Variants in ITPKB observed in about 807,000 individuals in gnomAD.
The protein encoded by ITPKB is inositol-trisphosphate 3-kinase B.
Under a neutral mutation model 69.4 loss-of-function variants are expected in ITPKB, and 13 were observed. That is an observed-to-expected ratio of 0.19 (90% CI 0.12 to 0.30). The LOEUF (loss-of-function observed/expected upper bound fraction) is 0.30. Ranked by LOEUF, ITPKB falls within the 10% of genes least tolerant of loss-of-function variation. ITPKB has a pLI of 1.00. For missense variants in ITPKB, 1,240 were observed against 1,250.5 expected (o/e 0.99, Z 0.13); for synonymous variants, 584 against 513.7 (o/e 1.14, Z -1.85).
intron 2 of ITPKB, among the ~76,000 whole-genome samples, chr1:226,728,267 T>TTC (rs1657482418): frequency 1.3e-5 from 2 of 152,328 alleles, no homozygotes; most frequent in Non-Finnish European, 2.9e-5. Context: ...ACTAGTGGCC[T>TTC]GAAGAGATAC....
At chr1:226,638,034 TG>T (rs1335446687) in intron 6 of ITPKB, among the ~76,000 whole-genome samples, 1 of 152,222 alleles carries the variant, frequency 6.6e-6, no homozygotes, top group Non-Finnish European at 1.5e-5. Flanking sequence ...TTGCTGGCCT[TG>T]GGGGGTGCCC....
In ITPKB at chr1:226,647,263, C is replaced by T. The variant is rs1449307011; in HGVS notation, c.2150G>A (p.Gly717Glu). 6.2e-7 allele frequency: 1 copy of T among 1,614,240 alleles called. No individual in the cohort carries two copies. The highest frequency in any genetic ancestry group is 8.5e-7 in the Non-Finnish European group (1 of 1,180,042). ...GCGCTCCCCGTCCTTCACCACATCCCCATGGTAGGCAGGTACGAAGGGCCT... is the reference window on the plus strand; with the variant it reads ...GCGCTCCCCGTCCTTCACCACATCCTCATGGTAGGCAGGTACGAAGGGCCT... ...VLRPFVPAYH[G>E]DVVKDGERYN... Residue 717 changes from glycine (G) to glutamate (E), a missense_variant, in exon 4 of 8, where the codon GGG (glycine) becomes GAG (glutamate). Around this residue, in one of 2 missense-constraint regions of ITPKB, gnomAD observed 248 missense variants for 396.7 expected, o/e 0.63. Transcript: ENST00000429204.
At chr1:226,683,776 C>T (rs1322306067) in intron 2 of ITPKB, among the ~76,000 whole-genome samples, 1 of 152,142 alleles carries the variant, frequency 6.6e-6, no homozygotes, top group African/African-American at 2.4e-5. Flanking sequence ...GCAAAGCCAG[C>T]TACCCAAGGA....
chr1:226,712,853 G>GA (rs1351381689), intron 2 of ITPKB, among the ~76,000 whole-genome samples: 10 of 152,082 alleles, frequency 6.6e-5, no homozygotes, highest in African/African-American at 2.4e-4. Context: ...GGGGAGGGAG[G>GA]AAACACACAA....
intron 2 of ITPKB, among the ~76,000 whole-genome samples, chr1:226,722,194 T>C (rs1009683272): frequency 2.0e-5 from 3 of 152,204 alleles, no homozygotes; most frequent in Non-Finnish European, 2.9e-5. Flanking sequence ...GGCTCAAGGT[T>C]CCTAGCAACC....
intron 4 of ITPKB, 68 bp downstream of exon 4, chr1:226,647,099 C>A: frequency 6.8e-7 from 1 of 1,468,026 alleles, no homozygotes; most frequent in African/African-American, 1.4e-5. Flanking sequence ...GCCCTGAGTG[C>A]CACGCTGTGC....
chr1:226,639,546 G>A lies in ITPKB; in HGVS notation c.2553+11C>T. The A allele has an allele frequency of 2.6e-6, 4 of 1,555,532 alleles. No individual in the cohort carries two copies. In the South Asian group the frequency reaches 4.5e-5, roughly 17 times the overall value. On this transcript the variant is annotated intron_variant, in intron 6 of 7. Coordinates refer to ENST00000429204, the MANE Select transcript of ITPKB (RefSeq NM_002221.4). ...GGCTGGAGAGACCCTCTCTGGAGGT[G>A]CCAGACTCACCAGGATGTTATGGTT...
intron 2 of ITPKB, among the ~76,000 whole-genome samples, chr1:226,730,996 T>A (rs1386234986): frequency 1.3e-5 from 2 of 152,272 alleles, no homozygotes; most frequent in African/African-American, 4.8e-5. Flanking sequence ...TTGAGCTGTA[T>A]GTTTTGCAAA....
chr1:226,660,369 A>G (rs969583805), intron 2 of ITPKB, among the ~76,000 whole-genome samples: 6 of 152,194 alleles, frequency 3.9e-5, no homozygotes, highest in Non-Finnish European at 8.8e-5. Context: ...AGGAGCTGGC[A>G]TCAAAGGGGC....
At chr1:226,704,102 A>G (rs1656745104) in intron 2 of ITPKB, among the ~76,000 whole-genome samples, 1 of 152,188 alleles carries the variant, frequency 6.6e-6, no homozygotes, top group Non-Finnish European at 1.5e-5. Context: ...TCGGACTCTA[A>G]ATACTATTTG....
At chr1:226,694,518 T>C (rs776580593) in intron 2 of ITPKB, among the ~76,000 whole-genome samples, 11 of 152,210 alleles carry the variant, frequency 7.2e-5, no homozygotes, top group African/African-American at 1.4e-4. Context: ...ACAGAGCACT[T>C]TGCAGTTTTA....
chr1:226,650,358 A>C (rs948404958), intron 2 of ITPKB, among the ~76,000 whole-genome samples: 1 of 152,200 alleles, frequency 6.6e-6, no homozygotes, highest in Non-Finnish European at 1.5e-5. Flanking sequence ...TTCTATTCTT[A>C]AGAGAGGGCA....
At position 226,737,470 on chromosome 1, in the gene ITPKB, C is replaced by T; in HGVS notation, c.-12G>A. ...CAGTACACAGCCATAGTACTGGGTC[C>T]CGCGCTGCCCGCCGCCGCGGCTCCC... On this transcript the variant is annotated 5_prime_UTR_variant, in exon 2 of 8. Transcript: ENST00000429204. 6.5e-7 allele frequency: 1 copy of T among 1,546,756 alleles called. No homozygotes were observed. Among genetic ancestry groups the T allele is most frequent in the Non-Finnish European group, 8.7e-7 (1 of 1,151,612 alleles).
chr1:226,695,906 G>C (rs1467565637), intron 2 of ITPKB, among the ~76,000 whole-genome samples: 1 of 152,188 alleles, frequency 6.6e-6, no homozygotes, highest in Non-Finnish European at 1.5e-5. Flanking sequence ...GAAGCGGGGA[G>C]GAGGGGGAGG....
intron 2 of ITPKB, among the ~76,000 whole-genome samples, chr1:226,703,819 A>G (rs1313748866): frequency 2.0e-5 from 3 of 152,220 alleles, no homozygotes; most frequent in Non-Finnish European, 4.4e-5. Context: ...GATGTGTTTC[A>G]GTCTGGGTTT....
chr1:226,707,695 A>G (rs1656837176), intron 2 of ITPKB: 2 of 1,029,250 alleles, frequency 1.9e-6, no homozygotes, highest in Admixed American at 5.7e-5. Flanking sequence ...AAACTAAAGA[A>G]TTACAAATTA....
At chr1:226,711,671 T>C (rs1277029942) in intron 2 of ITPKB, among the ~76,000 whole-genome samples, 2 of 152,114 alleles carry the variant, frequency 1.3e-5, no homozygotes, top group East Asian at 3.8e-4. Context: ...CTCCCATCAT[T>C]TGTCCTGGCG....
intron 3 of ITPKB, among the ~76,000 whole-genome samples, chr1:226,647,900 A>C (rs1041631290): frequency 6.6e-6 from 1 of 152,224 alleles, no homozygotes; most frequent in African/African-American, 2.4e-5. Context: ...CAGGCTGTCC[A>C]TCCATGTGCC....
Position 226,666,288 on chromosome 1 carries a change from C to T in ITPKB, c.1933-17517G>A, listed in dbSNP as rs574732277. Among the ~76,000 whole-genome samples the T allele has an allele frequency of 3.9e-5, 6 of 152,298 alleles. No individual in the cohort carries two copies. In the South Asian group the frequency reaches 1.2e-3, roughly 32 times the overall value. ...GCCACCCAATCAGGGCAAGACTCAG[C>T]AAGGTCTGCCAGCTCCCATCAAGCC... On this transcript the variant is annotated intron_variant, in intron 2 of 7. Coordinates refer to ENST00000429204, the MANE Select transcript of ITPKB (RefSeq NM_002221.4).
Sources: gnomAD v4.1 joint callset for allele counts (sites outside exome capture counted in the v4.1 genomes callset) on GRCh38, gnomAD v4.1.1 for gene constraint, gnomAD v4.1.1 regional missense constraint, MANE v1.5 for transcripts, NCBI Gene and HGNC (gene_info 2026-07-23, HGNC 2026-07-21) for gene names.